Variants in PCDH11X observed in about 807,000 individuals in gnomAD.
PCDH11X encodes the protein protocadherin 11 X-linked.
In PCDH11X, 18 loss-of-function variants were observed where a neutral mutation model predicts 53.3. That is an observed-to-expected ratio of 0.34 (90% CI 0.23 to 0.50). PCDH11X has a LOEUF of 0.50. Among genes scored for constraint, PCDH11X ranks in the 20% least tolerant of loss-of-function variants. The pLI is 0.98. For missense variants in PCDH11X, 570 were observed against 1,032.4 expected (o/e 0.55, Z 6.14); for synonymous variants, 279 against 393.3 (o/e 0.71, Z 3.44).
chrX:92,566,206 C>T (rs1017239299), intron 10 of PCDH11X, among the ~76,000 whole-genome samples: 42 of 109,688 alleles, frequency 3.8e-4, no homozygotes, highest in African/African-American at 1.3e-3. Context: ...ATCAATATCA[C>T]AAATTTATTT....
At chrX:92,274,034 G>A (rs1259964704) in intron 8 of PCDH11X, among the ~76,000 whole-genome samples, 4 of 107,051 alleles carry the variant, frequency 3.7e-5, no homozygotes, top group Admixed American at 1.0e-4. Context: ...AGCTGAGAAT[G>A]GTGAATAGGA....
intron 4 of PCDH11X, among the ~76,000 whole-genome samples, chrX:91,829,535 C>T (rs1937040995): frequency 9.1e-6 from 1 of 109,496 alleles, no homozygotes; most frequent in African/African-American, 3.3e-5. Context: ...ATCACCTCTC[C>T]ATACCCCTTG....
chrX:92,599,331 C>T (rs1322286217), intron 10 of PCDH11X, among the ~76,000 whole-genome samples: 3 of 111,544 alleles, frequency 2.7e-5, no homozygotes, highest in African/African-American at 9.8e-5. Context: ...TGTCCACACC[C>T]AAGTCTCATC....
chrX:92,522,133 G>A (rs1165170264), intron 10 of PCDH11X, among the ~76,000 whole-genome samples: 9 of 112,049 alleles, frequency 8.0e-5, no homozygotes, highest in African/African-American at 2.6e-4. Context: ...TGGTGCAAGA[G>A]GTCTAGCTTT....
At chrX:92,547,800 G>A (rs2751005) in intron 10 of PCDH11X, among the ~76,000 whole-genome samples, 1 of 108,715 alleles carries the variant, frequency 9.2e-6, no homozygotes, top group Non-Finnish European at 1.9e-5. Context: ...GCTGGATCTC[G>A]GCTCACTGCA....
intron 6 of PCDH11X, among the ~76,000 whole-genome samples, chrX:92,178,655 A>T: frequency 8.9e-6 from 1 of 111,820 alleles, no homozygotes; most frequent in Middle Eastern, 4.9e-3. Context: ...AGCTTATTGA[A>T]TAATTCATGT....
At chrX:92,152,369 A>G (rs2065449704) in intron 6 of PCDH11X, among the ~76,000 whole-genome samples, 3 of 108,693 alleles carry the variant, frequency 2.8e-5, no homozygotes, top group East Asian at 5.7e-4. Flanking sequence ...CTTTTCAATT[A>G]TAATGCAAAG....
chrX:92,229,232 G>A (rs2067026011), intron 7 of PCDH11X, among the ~76,000 whole-genome samples: 1 of 111,059 alleles, frequency 9.0e-6, no homozygotes, highest in South Asian at 3.8e-4. Context: ...TGCTAAGTGG[G>A]GAAATTGTCA....
chrX:92,299,820 T>C (rs189928814), intron 8 of PCDH11X, among the ~76,000 whole-genome samples: 1 of 110,729 alleles, frequency 9.0e-6, no homozygotes, highest in Non-Finnish European at 1.9e-5. Flanking sequence ...AGTTCAGCTC[T>C]GATTTTGGAT....
intron 10 of PCDH11X, among the ~76,000 whole-genome samples, chrX:92,613,062 T>C (rs1390848652): frequency 9.0e-6 from 1 of 110,565 alleles, no homozygotes; most frequent in Non-Finnish European, 1.9e-5. Context: ...TGCAGCTTGT[T>C]ACTCCATATC....
At chrX:92,051,429 A>G (rs1199549118) in intron 6 of PCDH11X, among the ~76,000 whole-genome samples, 1 of 111,803 alleles carries the variant, frequency 8.9e-6, no homozygotes, top group Admixed American at 9.6e-5. Flanking sequence ...CAAATACAGC[A>G]TGCTTTAAAT....
At chrX:92,120,316 C>T (rs757870270) in intron 6 of PCDH11X, among the ~76,000 whole-genome samples, 5 of 110,690 alleles carry the variant, frequency 4.5e-5, no homozygotes, top group African/African-American at 1.3e-4. Context: ...CCTACAACCA[C>T]GCCCGGCTAA....
rs184267732 is a variant in PCDH11X, at chrX:92,466,007, C to T, written c.3344-2292C>T. ...GTAAAAATAATGATGCCTAAACTAT[C>T]GTTTTTAAATTTATTAACAAATAAA... On this transcript the variant is annotated intron_variant, in intron 9 of 10. Transcript: ENST00000682573. Among the ~76,000 whole-genome samples the T allele has an allele frequency of 9.5e-3, 1,048 of 110,431 alleles. 5 individuals carry two copies. The highest frequency in any genetic ancestry group is 0.033 in the African/African-American group (1,000 of 30,566).
chrX:92,112,118 A>T, intron 6 of PCDH11X, among the ~76,000 whole-genome samples: 1 of 109,415 alleles, frequency 9.1e-6, no homozygotes, highest in East Asian at 2.9e-4. Flanking sequence ...CAAAAAAAAA[A>T]AAAAAAGGTA....
In PCDH11X at chrX:92,481,790, T is replaced by A. The variant is rs771809887; in HGVS notation, c.3367+13468T>A. ...TCACTGGATGAAAGGCTGCCCTTAC[T>A]ACTTCTCTAAGCAGCTCTCTCTGCC... On this transcript the variant is annotated intron_variant, in intron 10 of 10. Transcript: ENST00000682573. 5.4e-5 allele frequency among the ~76,000 whole-genome samples: 6 copies of A among 110,136 alleles called. No homozygotes were observed. The East Asian group carries it at 1.7e-3, about 32-fold the overall frequency.
intron 5 of PCDH11X, among the ~76,000 whole-genome samples, chrX:91,847,070 A>T (rs1463297121): frequency 9.0e-6 from 1 of 110,868 alleles, no homozygotes; most frequent in Non-Finnish European, 1.9e-5. Flanking sequence ...CAGTGGACAA[A>T]TGGTTTGACC....
intron 6 of PCDH11X, among the ~76,000 whole-genome samples, chrX:92,168,475 T>C (rs1457331118): frequency 1.8e-5 from 2 of 109,045 alleles, no homozygotes; most frequent in Non-Finnish European, 3.8e-5. Flanking sequence ...GAAGAATTAA[T>C]GAAGCCCGGG....
At chrX:92,285,415 G>T (rs776149624) in intron 8 of PCDH11X, among the ~76,000 whole-genome samples, 1 of 109,175 alleles carries the variant, frequency 9.2e-6, no homozygotes. Context: ...CACCATGCCC[G>T]GCAAATCTTG....
At chrX:92,372,572 CACA>C (rs1354710722) in intron 8 of PCDH11X, among the ~76,000 whole-genome samples, 1 of 95,262 alleles carries the variant, frequency 1.0e-5, no homozygotes, top group East Asian at 3.3e-4. Context: ...TGACAACAGC[CACA>C]ACATCAGGAG....
Sources: allele counts gnomAD v4.1 joint callset (sites outside exome capture counted in the v4.1 genomes callset), GRCh38; gene constraint gnomAD v4.1.1; transcripts MANE v1.5; gene names NCBI Gene and HGNC (gene_info 2026-07-23, HGNC 2026-07-21).